GMPS: variants seen among roughly 807,000 people sequenced by gnomAD.
GMPS encodes the protein GMP synthase [glutamine-hydrolyzing].
Under a neutral mutation model 77.9 loss-of-function variants are expected in GMPS, and 15 were observed. That is an observed-to-expected ratio of 0.19 (90% CI 0.13 to 0.30). The LOEUF (loss-of-function observed/expected upper bound fraction) is 0.30. Ranked by LOEUF, GMPS falls within the 10% of genes least tolerant of loss-of-function variation. The probability of loss-of-function intolerance (pLI) is 1.00; values close to 1 mark genes in which losing one functional copy is unlikely to be tolerated. For missense variants in GMPS, 590 were observed against 838.8 expected (o/e 0.70, Z 3.66); for synonymous variants, 224 against 275.9 (o/e 0.81, Z 1.86).
intron 10 of GMPS, among the ~76,000 whole-genome samples, chr3:155,921,408 TTATG>T (rs1755313685): frequency 6.6e-6 from 1 of 152,226 alleles, no homozygotes; most frequent in Admixed American, 6.5e-5. Context: ...ACTGTCCTCT[TTATG>T]TATATGTTGG....
intron 1 of GMPS, among the ~76,000 whole-genome samples, chr3:155,890,047 C>G (rs1754426758): frequency 1.3e-5 from 2 of 152,154 alleles, no homozygotes; most frequent in Non-Finnish European, 2.9e-5. Context: ...GAAGTGTGAG[C>G]AAATAAATGC....
chr3:155,877,505 A>G (rs1025925934), intron 1 of GMPS, among the ~76,000 whole-genome samples: 2 of 151,662 alleles, frequency 1.3e-5, no homozygotes, highest in African/African-American at 4.8e-5. Context: ...CCTCCTCCCA[A>G]AAAAAAACCT....
Position 155,911,374 on chromosome 3 carries a change from CAGTA to C in GMPS, c.886+96_886+99del, listed in dbSNP as rs907042760. 82 of 687,842 alleles carry C rather than the reference CAGTA, an allele frequency of 1.2e-4. No homozygotes were observed. In the African/African-American group the frequency reaches 1.4e-3, roughly 12 times the overall value. The allele number at this position is 687,842 out of a possible 1,614,324, so 42.6% of individuals were successfully genotyped here. A position where few individuals can be genotyped will look rare whatever the true frequency, so the allele number is the denominator to read the frequency against. On this transcript the variant is annotated intron_variant, in intron 7 of 15. Transcript: ENST00000496455. ...TAAATGAGCACAATTACAGTTTTCT[CAGTA>C]TGCTCAAGGTTGAAAATGTTTTTTA...
intron 1 of GMPS, 40 bp downstream of exon 1, chr3:155,870,937 G>A (rs923036172): frequency 2.9e-5 from 41 of 1,432,886 alleles, no homozygotes; most frequent in Non-Finnish European, 3.7e-5. Flanking sequence ...TCCCGGCGGA[G>A]GCGAGGCTCC....
chr3:155,893,280 A>G (rs1029008650), intron 1 of GMPS, among the ~76,000 whole-genome samples: 1 of 152,196 alleles, frequency 6.6e-6, no homozygotes, highest in African/African-American at 2.4e-5. Flanking sequence ...CATGATCACT[A>G]TATTACATAG....
rs1447835054 is a variant in GMPS at position 155,942,410 on chromosome 3, C to T, written c.*4718C>T. Reference sequence around the variant, plus strand: ...GCAAGCATTTACAGTTTTAAATCTCCCAGTCAGAATAAATTCTTATTGAGG... The same window carrying T: ...GCAAGCATTTACAGTTTTAAATCTCTCAGTCAGAATAAATTCTTATTGAGG... On this transcript the variant is annotated 3_prime_UTR_variant, in exon 16 of 16. Transcript: ENST00000496455. 1 of 215,748 alleles carries T rather than the reference C, an allele frequency of 4.6e-6. No homozygotes were observed. The highest frequency in any genetic ancestry group is 9.3e-6 in the Non-Finnish European group (1 of 107,098). 13.4% of individuals were successfully genotyped at this position (215,748 alleles called of 1,614,324 possible).
At chr3:155,873,456 C>T (rs1753949681) in intron 1 of GMPS, among the ~76,000 whole-genome samples, 2 of 151,544 alleles carry the variant, frequency 1.3e-5, no homozygotes, top group South Asian at 4.2e-4. Context: ...AGAGACAGTT[C>T]TCGCTGTGTT....
At chr3:155,893,959 G>C (rs148718145) in intron 2 of GMPS, among the ~76,000 whole-genome samples, 1 of 152,198 alleles carries the variant, frequency 6.6e-6, no homozygotes, top group African/African-American at 2.4e-5. Context: ...GTCAGAGTTA[G>C]ATGTAGCTGT....
chr3:155,870,461 CGCGGGAGACCCGGCCGGCTTTGCCG>C (rs1345738524), upstream of GMPS: 9 of 191,584 alleles, frequency 4.7e-5, no homozygotes, highest in African/African-American at 1.9e-4. Context: ...AAGGGCGGGC[CGCGGGAGACCCGGCCGGCTTTGCCG>C]GCGGGGACCG....
At chr3:155,885,386 T>C (rs932762225) in intron 1 of GMPS, among the ~76,000 whole-genome samples, 1 of 152,216 alleles carries the variant, frequency 6.6e-6, no homozygotes, top group African/African-American at 2.4e-5. Flanking sequence ...TATCTACACA[T>C]TTGTTAATAT....
At chr3:155,900,976 G>T (rs1754721187) in intron 3 of GMPS, among the ~76,000 whole-genome samples, 1 of 152,006 alleles carries the variant, frequency 6.6e-6, no homozygotes, top group South Asian at 2.1e-4. Flanking sequence ...CCACTAACTG[G>T]ACTCTCCTGT....
intron 12 of GMPS, among the ~76,000 whole-genome samples, chr3:155,927,091 A>G (rs1409418478): frequency 3.3e-5 from 5 of 152,108 alleles, no homozygotes; most frequent in African/African-American, 9.7e-5. Flanking sequence ...AGAGCCAGCT[A>G]TTGGGTTAAG....
At chr3:155,879,104 C>T (rs1754141193) in intron 1 of GMPS, among the ~76,000 whole-genome samples, 1 of 152,074 alleles carries the variant, frequency 6.6e-6, no homozygotes, top group Non-Finnish European at 1.5e-5. Flanking sequence ...GTGGATCTTC[C>T]TTTCTGTGTC....
At position 155,938,184 on chromosome 3, in the gene GMPS, T is replaced by C. The variant is rs1755805608; in HGVS notation, c.*492T>C. ...GAGATGAACATATCAGATAAAGGTA[T>C]AGGTGGGCTATTCCAGCCACTTTTG... On this transcript the variant is annotated 3_prime_UTR_variant, in exon 16 of 16. Transcript: ENST00000496455. 1 of 221,696 alleles carries C rather than the reference T, an allele frequency of 4.5e-6. No individual in the cohort carries two copies. The allele number at this position is 221,696 out of a possible 1,614,324, so 13.7% of individuals were successfully genotyped here.
rs866951902 is a variant in GMPS, at chr3:155,910,573, A to G, written c.527-119A>G. On this transcript the variant is annotated intron_variant, in intron 5 of 15. Transcript: ENST00000496455. ...GACAGAGCAAGACTCTGTCTCAAAAAAAAAAAAAAAAAAAAAATGAAACCA... is the reference window on the plus strand; with the variant it reads ...GACAGAGCAAGACTCTGTCTCAAAAGAAAAAAAAAAAAAAAAATGAAACCA... 839 of 454,178 alleles carry G rather than the reference A, an allele frequency of 1.8e-3. 1 individual carries two copies. Among genetic ancestry groups the G allele is most frequent in the East Asian group, 2.9e-3 (67 of 23,112 alleles). 28.1% of individuals were successfully genotyped at this position (454,178 alleles called of 1,614,324 possible). A position where few individuals can be genotyped will look rare whatever the true frequency, so the allele number is the denominator to read the frequency against.
chr3:155,910,459 C>G (rs1341013933), intron 5 of GMPS, among the ~76,000 whole-genome samples: 2 of 150,578 alleles, frequency 1.3e-5, no homozygotes, highest in Non-Finnish European at 2.9e-5. Context: ...ATGCCAGCTA[C>G]TTGGGAGCCT....
chr3:155,922,714 TG>T (rs1755347674), intron 11 of GMPS, among the ~76,000 whole-genome samples: 2 of 152,178 alleles, frequency 1.3e-5, no homozygotes, highest in Admixed American at 1.3e-4. Context: ...AGTATGAGAC[TG>T]GGTCCAAGAA....
chr3:155,908,068 T>C (rs1285276218), intron 5 of GMPS, among the ~76,000 whole-genome samples: 1 of 152,142 alleles, frequency 6.6e-6, no homozygotes, highest in Non-Finnish European at 1.5e-5. Flanking sequence ...GTGATCTAAT[T>C]TAAGGATTAA....
chr3:155,875,285 C>T (rs1390452696), intron 1 of GMPS, among the ~76,000 whole-genome samples: 3 of 152,168 alleles, frequency 2.0e-5, no homozygotes, highest in Non-Finnish European at 4.4e-5. Flanking sequence ...GGCTGGAGTG[C>T]AGTGGCATGA....
Sources: gnomAD v4.1 joint callset for allele counts (sites outside exome capture counted in the v4.1 genomes callset) on GRCh38, gnomAD v4.1.1 for gene constraint, MANE v1.5 for transcripts, NCBI Gene and HGNC (gene_info 2026-07-23, HGNC 2026-07-21) for gene names.